NDRG1: variants seen among roughly 807,000 people sequenced by gnomAD.
The protein encoded by NDRG1 is protein NDRG1.
In NDRG1, 32 loss-of-function variants were observed where a neutral mutation model predicts 56.9. The observed-to-expected ratio is 0.56, with a 90% confidence interval of 0.42 to 0.76. NDRG1 has a LOEUF of 0.76. Among genes scored for constraint, NDRG1 ranks in the 30% least tolerant of loss-of-function variants. NDRG1 has a pLI of 0.00. For synonymous variants in NDRG1, 211 were observed against 204.1 expected (o/e 1.03, Z -0.29); for missense variants, 507 against 545.7 (o/e 0.93, Z 0.71).
intron 2 of NDRG1, among the ~76,000 whole-genome samples, chr8:133,283,607 T>G (rs1243500924): frequency 6.6e-6 from 1 of 152,206 alleles, no homozygotes; most frequent in Admixed American, 6.5e-5. Context: ...GCATTGCCCA[T>G]CTCCTCTATG....
At chr8:133,294,570 T>G (rs973658628) in intron 1 of NDRG1, among the ~76,000 whole-genome samples, 13 of 152,130 alleles carry the variant, frequency 8.5e-5, no homozygotes, top group African/African-American at 3.1e-4. Flanking sequence ...AAAAACACAA[T>G]GCTATCTTTC....
chr8:133,251,320 G>T (rs1251177449), intron 9 of NDRG1, among the ~76,000 whole-genome samples: 1 of 152,196 alleles, frequency 6.6e-6, no homozygotes, highest in Non-Finnish European at 1.5e-5. Flanking sequence ...TGGAGTTGGG[G>T]GTCAAAGAAA....
chr8:133,245,233 C>T (rs1021555737), intron 13 of NDRG1, among the ~76,000 whole-genome samples: 4 of 152,124 alleles, frequency 2.6e-5, no homozygotes, highest in Non-Finnish European at 5.9e-5. Context: ...CAGAATCAGG[C>T]CTAAGTGAGT....
At chr8:133,267,766 C>T (rs771192917) in intron 3 of NDRG1, among the ~76,000 whole-genome samples, 1 of 152,186 alleles carries the variant, frequency 6.6e-6, no homozygotes, top group Non-Finnish European at 1.5e-5. Flanking sequence ...TCCTACCACT[C>T]CCCAACCTCC....
intron 8 of NDRG1, chr8:133,255,632 T>G: frequency 3.1e-6 from 1 of 326,974 alleles, no homozygotes; most frequent in South Asian, 2.4e-5. Context: ...CAGAACGTCA[T>G]ACAGGCTGGA....
chr8:133,260,255 G>T (rs528405375), intron 5 of NDRG1, among the ~76,000 whole-genome samples: 2 of 152,082 alleles, frequency 1.3e-5, no homozygotes, highest in Non-Finnish European at 2.9e-5. Flanking sequence ...GGGCCAGGAG[G>T]AGCCCAGCCA....
intron 4 of NDRG1, among the ~76,000 whole-genome samples, chr8:133,264,190 A>T (rs930854328): frequency 1.3e-5 from 2 of 152,246 alleles, no homozygotes; most frequent in Non-Finnish European, 2.9e-5. Context: ...GGGGTGACAG[A>T]TAAAAGGTAC....
At chr8:133,276,416 T>C (rs191929879) in intron 3 of NDRG1, among the ~76,000 whole-genome samples, 2 of 152,334 alleles carry the variant, frequency 1.3e-5, no homozygotes, top group East Asian at 1.9e-4. Flanking sequence ...AATAACCATA[T>C]GATCCAGTGA....
At chr8:133,241,842 A>C in intron 15 of NDRG1, 181 bp downstream of exon 15, 1 of 684,384 alleles carries the variant, frequency 1.5e-6, no homozygotes, top group Non-Finnish European at 2.6e-6. Context: ...CCTCACTGAT[A>C]AATGAGAGGC....
intron 13 of NDRG1, among the ~76,000 whole-genome samples, chr8:133,246,125 A>G (rs1336876634): frequency 6.6e-6 from 1 of 152,256 alleles, no homozygotes; most frequent in African/African-American, 2.4e-5. Flanking sequence ...ACAAACAGCC[A>G]GTGGTTTGCA....
At chr8:133,281,771 G>A (rs1296168736) in intron 2 of NDRG1, among the ~76,000 whole-genome samples, 2 of 152,218 alleles carry the variant, frequency 1.3e-5, no homozygotes, top group African/African-American at 2.4e-5. Context: ...CCCCTGAGCT[G>A]TGGGCAAGAA....
chr8:133,287,124 C>G (rs1858164805), intron 1 of NDRG1, among the ~76,000 whole-genome samples: 1 of 150,828 alleles, frequency 6.6e-6, no homozygotes, highest in African/African-American at 2.5e-5. Context: ...TTTGCAGGAG[C>G]TTTTATCCAA....
At chr8:133,256,969 G>T in intron 7 of NDRG1, 106 bp from the exon 8 acceptor site, 2 of 1,082,018 alleles carry the variant, frequency 1.8e-6, no homozygotes, top group Non-Finnish European at 2.8e-6. Context: ...AAAAGGCAGT[G>T]TGGGCAGCAG....
Position 133,238,828 on chromosome 8 carries a change from G to C in NDRG1, c.*50C>G, listed in dbSNP as rs553809477. ...GGGGGCGAAAAGGGGCCGGGGAGGA[G>C]GGGGCCACTACAGAGATCAGAGTCC... On this transcript the variant is annotated 3_prime_UTR_variant, in exon 16 of 16. Transcript: ENST00000323851. 1 of 1,527,488 alleles carries C rather than the reference G, an allele frequency of 6.5e-7. No individual in the cohort carries two copies. Among genetic ancestry groups the C allele is most frequent in the African/African-American group, 1.4e-5 (1 of 72,688 alleles). 94.6% of individuals were successfully genotyped at this position (1,527,488 alleles called of 1,614,324 possible).
intron 3 of NDRG1, among the ~76,000 whole-genome samples, chr8:133,270,472 T>C (rs1036742717): frequency 1.3e-5 from 2 of 152,190 alleles, no homozygotes; most frequent in Admixed American, 6.5e-5. Context: ...TAACCAAAGA[T>C]GGTCAGGAGG....
In NDRG1 at chr8:133,248,699, G is replaced by C. The variant is rs762699707; in HGVS notation, c.755+16C>G. ...AGCCCCGACTGCAAGTGCTGGGGGAGAGAAAAGCCACTCACTGCAGGGTGA... is the reference window on the plus strand; with the variant it reads ...AGCCCCGACTGCAAGTGCTGGGGGACAGAAAAGCCACTCACTGCAGGGTGA... On this transcript the variant is annotated intron_variant, in intron 11 of 15. Coordinates refer to ENST00000323851, the MANE Select transcript of NDRG1 (RefSeq NM_006096.4). 4 of 1,614,190 alleles carry C rather than the reference G, an allele frequency of 2.5e-6. No individual in the cohort carries two copies. Among genetic ancestry groups the C allele is most frequent in the Non-Finnish European group, 3.4e-6 (4 of 1,180,028 alleles).
chr8:133,286,109 C>T (rs144043268), intron 1 of NDRG1, among the ~76,000 whole-genome samples: 1 of 152,314 alleles, frequency 6.6e-6, no homozygotes, highest in East Asian at 1.9e-4. Flanking sequence ...TATCTGTGAG[C>T]TTCATCAAGC....
At chr8:133,272,697 G>A (rs1197545381) in intron 3 of NDRG1, among the ~76,000 whole-genome samples, 1 of 152,116 alleles carries the variant, frequency 6.6e-6, no homozygotes, top group Non-Finnish European at 1.5e-5. Context: ...ATTTTCCAAA[G>A]TCTCATTTTG....
chr8:133,264,585 C>T lies in NDRG1; in HGVS notation c.167G>A (p.Arg56Gln), dbSNP rs151322132. ...VTLCGTPKGN[R>Q]PVILTYHDIG... ...GTCATGGTAGGTGAGGATGACAGGC[C>T]GGTTTCCCTTGGGAGTCCCACACAG... The change falls in exon 4 of 16, where the codon CGG (arginine) becomes CAG (glutamine). Residue 56 changes from arginine to glutamine, a missense_variant. Physicochemically the swap from Arg to Gln is conservative, Grantham distance 43. Transcript: ENST00000323851. The T allele has an allele frequency of 3.0e-5, 49 of 1,614,084 alleles. No homozygotes were observed. Among genetic ancestry groups the T allele is most frequent in the African/African-American group, 1.2e-4 (9 of 74,938 alleles).
Sources: allele counts gnomAD v4.1 joint callset (sites outside exome capture counted in the v4.1 genomes callset), GRCh38; gene constraint gnomAD v4.1.1; transcripts MANE v1.5; gene names NCBI Gene and HGNC (gene_info 2026-07-23, HGNC 2026-07-21).